CHST10: variants seen among roughly 807,000 people sequenced by gnomAD.
The protein encoded by CHST10 is carbohydrate sulfotransferase 10, also known as HNK-1 sulfotransferase.
A neutral mutation model predicts 34.7 loss-of-function variants in CHST10; 24 were observed. The observed-to-expected ratio is 0.69, with a 90% CI of 0.50 to 0.97. CHST10 has a LOEUF of 0.97. Among genes scored for constraint, CHST10 ranks in the 50% least tolerant of loss-of-function variants. The pLI, the probability that CHST10 is intolerant of heterozygous loss-of-function variation, is 0.00. For missense variants in CHST10, 402 were observed against 452.1 expected, an observed-to-expected ratio of 0.89 and a Z score of 1.00; for synonymous variants, 161 against 169.3, an observed-to-expected ratio of 0.95 and a Z score of 0.38.
chr2:100,393,155 G>T lies in CHST10; in HGVS notation c.*90C>A. On this transcript the variant is annotated 3_prime_UTR_variant, in exon 7 of 7. Coordinates refer to ENST00000264249, the MANE Select transcript of CHST10 (RefSeq NM_004854.5). Reference sequence around the variant, plus strand: ...CCCCGGGCGTCCTCAAAGGAGGGGTGTGGTGGAGGAAGGGTCATTTCTGGG... The same window carrying T: ...CCCCGGGCGTCCTCAAAGGAGGGGTTTGGTGGAGGAAGGGTCATTTCTGGG... 1.4e-6 allele frequency: 2 copies of T among 1,405,584 alleles called. No homozygotes were observed. Among genetic ancestry groups the T allele is most frequent in the Non-Finnish European group, 2.0e-6 (2 of 1,017,494 alleles). The allele number at this position is 1,405,584 out of a possible 1,614,324, so 87.1% of individuals were successfully genotyped here.
intron 1 of CHST10, chr2:100,416,585 C>T (rs928958839): frequency 2.6e-5 from 5 of 191,912 alleles, no homozygotes; most frequent in Non-Finnish European, 5.6e-5. Flanking sequence ...AACTGAGCTG[C>T]CTAATTTTAA....
intron 4 of CHST10, among the ~76,000 whole-genome samples, chr2:100,399,251 C>A (rs962491677): frequency 2.6e-5 from 4 of 152,108 alleles, no homozygotes; most frequent in Non-Finnish European, 4.4e-5. Context: ...CTATAGGTGC[C>A]CACCACCATG....
At chr2:100,405,499 T>C (rs1389713742) in intron 3 of CHST10, among the ~76,000 whole-genome samples, 1 of 152,074 alleles carries the variant, frequency 6.6e-6, no homozygotes, top group African/African-American at 2.4e-5. Context: ...GCAGGAGGTG[T>C]AGGACATCGG....
intron 4 of CHST10, among the ~76,000 whole-genome samples, chr2:100,401,879 C>T (rs1675358239): frequency 6.6e-6 from 1 of 152,322 alleles, no homozygotes; most frequent in South Asian, 2.1e-4. Flanking sequence ...ATTTTTAGGG[C>T]TCGCTGTACC....
Position 100,412,191 on chromosome 2 carries a change from T to C in CHST10, c.-33+2850A>G, listed in dbSNP as rs537355544. Among the ~76,000 whole-genome samples, 3 of 152,294 alleles carry C rather than the reference T, an allele frequency of 2.0e-5. No homozygotes were observed. The South Asian group carries it at 6.2e-4, about 32-fold the overall frequency. ...CCAGTCTCAAGGTCATTTTCATTCA[T>C]GGAGGAGGGAGAATTCTAACCCGGC... On this transcript the variant is annotated intron_variant, in intron 2 of 6. Coordinates refer to ENST00000264249, the MANE Select transcript of CHST10 (RefSeq NM_004854.5).
chr2:100,410,147 T>C (rs1284085563), intron 2 of CHST10, among the ~76,000 whole-genome samples: 1 of 152,252 alleles, frequency 6.6e-6, no homozygotes, highest in Non-Finnish European at 1.5e-5. Context: ...TAGAGCCCCT[T>C]GCAGGCCACA....
At chr2:100,409,235 C>G (rs1183293507) in intron 2 of CHST10, among the ~76,000 whole-genome samples, 1 of 152,116 alleles carries the variant, frequency 6.6e-6, no homozygotes, top group Non-Finnish European at 1.5e-5. Flanking sequence ...TCAAATCTTT[C>G]CAATGGAACT....
At chr2:100,395,281 T>C (rs1041637666) in intron 6 of CHST10, among the ~76,000 whole-genome samples, 1 of 152,208 alleles carries the variant, frequency 6.6e-6, no homozygotes, top group African/African-American at 2.4e-5. Context: ...GTCACCTTCA[T>C]GTTAATGGAC....
At position 100,398,046 on chromosome 2, in the gene CHST10, G is replaced by C; in HGVS notation, c.289C>G (p.Leu97Val). 1 of 1,614,162 alleles carries C rather than the reference G, an allele frequency of 6.2e-7. No individual in the cohort carries two copies. Among genetic ancestry groups the C allele is most frequent in the South Asian group, 1.1e-5 (1 of 91,078 alleles). ...LIRNVCRDDA[L>V]KNLSHTPVSK... ...ACAGGAGTGTGCGAGAGATTCTTCA[G>C]GGCATCATCCCTGCAGACGTTTCTG... Residue 97 changes from leucine to valine, a missense_variant, in exon 5 of 7, where the codon CTG (leucine) becomes GTG (valine). Leu to Val is a conservative substitution (Grantham distance 32, BLOSUM62 1). Coordinates refer to ENST00000264249, the MANE Select transcript of CHST10 (RefSeq NM_004854.5).
chr2:100,393,840 G>A, intron 6 of CHST10, 58 bp from the exon 7 acceptor site: 1 of 1,401,484 alleles, frequency 7.1e-7, no homozygotes, highest in African/African-American at 1.4e-5. Context: ...ACAGCTGAGG[G>A]GGCGGGAGAG....
intron 1 of CHST10, chr2:100,416,779 C>T: frequency 8.1e-6 from 3 of 368,394 alleles, no homozygotes; most frequent in South Asian, 6.1e-5. Context: ...ACTTTCCATT[C>T]ACTGCCCAAC....
chr2:100,392,762 T>C lies in CHST10; in HGVS notation c.*483A>G, dbSNP rs1370129531. ...CCGTTTTACTCCTCAGATCTGATGC[T>C]GCAAAAGTCTCTGCGATTTCAGCAG... is the stretch of plus-strand genomic sequence containing the variant. On this transcript the variant is annotated 3_prime_UTR_variant, in exon 7 of 7. Transcript: ENST00000264249. 1 of 171,786 alleles carries C rather than the reference T, an allele frequency of 5.8e-6. No individual in the cohort carries two copies. Among genetic ancestry groups the C allele is most frequent in the Non-Finnish European group, 1.3e-5 (1 of 78,420 alleles). The allele number at this position is 171,786 out of a possible 1,614,324, so 10.6% of individuals were successfully genotyped here.
chr2:100,417,383 G>C lies in CHST10; in HGVS notation c.-113C>G. Reference sequence around the variant, plus strand: ...GCGTCCCCGAGCTCACCCTACTGGAGCGGCGCTCGTCCGGGTCCTTAGGCT... The same window carrying C: ...GCGTCCCCGAGCTCACCCTACTGGACCGGCGCTCGTCCGGGTCCTTAGGCT... On this transcript the variant is annotated 5_prime_UTR_variant, in exon 1 of 7. Transcript: ENST00000264249. 3.2e-6 allele frequency: 1 copy of C among 311,962 alleles called. No homozygotes were observed. Among genetic ancestry groups the C allele is most frequent in the Non-Finnish European group, 6.4e-6 (1 of 157,414 alleles). 19.3% of individuals were successfully genotyped at this position (311,962 alleles called of 1,614,324 possible).
At chr2:100,413,599 A>T (rs946359028) in intron 2 of CHST10, among the ~76,000 whole-genome samples, 2 of 152,220 alleles carry the variant, frequency 1.3e-5, no homozygotes, top group African/African-American at 4.8e-5. Context: ...ACATGTTTGT[A>T]ATAACTAACA....
At chr2:100,415,630 C>T (rs57710676) in intron 1 of CHST10, 3 of 152,686 alleles carry the variant, frequency 2.0e-5, no homozygotes, top group Non-Finnish European at 4.4e-5. Flanking sequence ...AAAGCCCAAG[C>T]TGACTGGGAC....
At chr2:100,406,502 T>C in intron 3 of CHST10, 74 bp downstream of exon 3, 1 of 1,576,162 alleles carries the variant, frequency 6.3e-7, no homozygotes, top group South Asian at 1.2e-5. Flanking sequence ...AAGTCATCTA[T>C]GCATGTACCT....
At chr2:100,403,611 A>C (rs1364342487) in intron 3 of CHST10, among the ~76,000 whole-genome samples, 4 of 152,184 alleles carry the variant, frequency 2.6e-5, no homozygotes, top group African/African-American at 9.7e-5. Flanking sequence ...AAGAACATGC[A>C]CACCACTGAT....
In CHST10 at chr2:100,392,807, C is replaced by CGTA; in HGVS notation, c.*437_*438insTAC. ...CAGCAGCCCCCTTGCTTCTCTGTCC[C>CGTA]TCCTCAGAGTCCTGGGTGCTGTTCC... On this transcript the variant is annotated 3_prime_UTR_variant, in exon 7 of 7. Coordinates refer to ENST00000264249, the MANE Select transcript of CHST10 (RefSeq NM_004854.5). 1 of 178,174 alleles carries CGTA rather than the reference C, an allele frequency of 5.6e-6. No individual in the cohort carries two copies. Among genetic ancestry groups the CGTA allele is most frequent in the African/African-American group, 2.3e-5 (1 of 42,564 alleles). 11.0% of individuals were successfully genotyped at this position (178,174 alleles called of 1,614,324 possible).
intron 5 of CHST10, among the ~76,000 whole-genome samples, chr2:100,397,558 G>A (rs1354149265): frequency 6.6e-6 from 1 of 152,192 alleles, no homozygotes; most frequent in Admixed American, 6.5e-5. Context: ...GGGCCCTGGG[G>A]ATGTCGGACA....
Sources: allele counts gnomAD v4.1 joint callset (sites outside exome capture counted in the v4.1 genomes callset), GRCh38; gene constraint gnomAD v4.1.1; transcripts MANE v1.5; gene names NCBI Gene and HGNC (gene_info 2026-07-23, HGNC 2026-07-21).